The following NCAM2 variants were observed in gnomAD, a reference collection of about 807,000 sequenced individuals.
NCAM2 encodes neural cell adhesion molecule 2, also known as N-CAM-2.
NCAM2 carries 30 observed loss-of-function variants against 98.1 expected under a neutral mutation model. The observed-to-expected ratio is 0.31, with a 90% CI of 0.23 to 0.41. The LOEUF is 0.41. Among genes scored for constraint, NCAM2 ranks in the 10% least tolerant of loss-of-function variants. The pLI, the probability that NCAM2 is intolerant of heterozygous loss-of-function variation, is 1.00. For missense variants in NCAM2, 867 were observed against 1,005.8 expected, an observed-to-expected ratio of 0.86 and a Z score of 1.87; for synonymous variants, 368 against 342.4, an observed-to-expected ratio of 1.07 and a Z score of -0.83.
At chr21:21,165,941 A>G (rs774635893) in intron 1 of NCAM2, among the ~76,000 whole-genome samples, 1 of 152,142 alleles carries the variant, frequency 6.6e-6, no homozygotes, top group Non-Finnish European at 1.5e-5. Flanking sequence ...TAATTTGACT[A>G]TGCTATGAGA....
At chr21:21,054,189 G>A (rs1364710680) in intron 1 of NCAM2, among the ~76,000 whole-genome samples, 1 of 151,866 alleles carries the variant, frequency 6.6e-6, no homozygotes, top group Non-Finnish European at 1.5e-5. Context: ...ATGACTTTGT[G>A]ATTGAATAAT....
At chr21:21,505,326 G>A (rs1987915632) in intron 15 of NCAM2, among the ~76,000 whole-genome samples, 1 of 152,040 alleles carries the variant, frequency 6.6e-6, no homozygotes, top group Non-Finnish European at 1.5e-5. Context: ...ATCACACAGT[G>A]AGAAGGAAGC....
chr21:21,479,009 G>A (rs1265802701), intron 15 of NCAM2, among the ~76,000 whole-genome samples: 1 of 152,070 alleles, frequency 6.6e-6, no homozygotes, highest in Non-Finnish European at 1.5e-5. Context: ...TATATTTCAT[G>A]CAAATATCAG....
At chr21:21,348,773 A>T (rs1324345574) in intron 8 of NCAM2, among the ~76,000 whole-genome samples, 1 of 152,096 alleles carries the variant, frequency 6.6e-6, no homozygotes, top group Admixed American at 6.6e-5. Context: ...GAACCCAAAA[A>T]CAAATCCACA....
intron 5 of NCAM2, among the ~76,000 whole-genome samples, chr21:21,293,402 C>G (rs369862431): frequency 5.3e-5 from 8 of 151,716 alleles, no homozygotes; most frequent in African/African-American, 1.9e-4. Flanking sequence ...TTTCTCACTA[C>G]TGTCAAGACA....
At chr21:21,392,370 A>C (rs1474821744) in intron 9 of NCAM2, among the ~76,000 whole-genome samples, 1 of 152,172 alleles carries the variant, frequency 6.6e-6, no homozygotes, top group Non-Finnish European at 1.5e-5. Flanking sequence ...ATTTAGGTTG[A>C]ATCCATGTCT....
intron 1 of NCAM2, among the ~76,000 whole-genome samples, chr21:21,127,131 G>T (rs1212568934): frequency 1.3e-5 from 2 of 151,746 alleles, no homozygotes; most frequent in African/African-American, 4.8e-5. Context: ...GGTTTTATTT[G>T]TAAGTAGTTT....
At chr21:21,334,545 G>A (rs960202361) in intron 6 of NCAM2, among the ~76,000 whole-genome samples, 1 of 151,746 alleles carries the variant, frequency 6.6e-6, no homozygotes, top group African/African-American at 2.4e-5. Context: ...CCATACCAAT[G>A]GACAAATTCC....
intron 1 of NCAM2, among the ~76,000 whole-genome samples, chr21:21,136,832 T>A (rs1408665644): frequency 6.6e-6 from 1 of 151,828 alleles, no homozygotes; most frequent in Non-Finnish European, 1.5e-5. Flanking sequence ...GCAGACACCA[T>A]GCAAAGCAAA....
At chr21:21,053,355 T>TGTGTA (rs1351139349) in intron 1 of NCAM2, among the ~76,000 whole-genome samples, 1 of 151,986 alleles carries the variant, frequency 6.6e-6, no homozygotes, top group Non-Finnish European at 1.5e-5. Context: ...ATATGACATG[T>TGTGTA]TATTCCTTAC....
chr21:21,245,152 C>T (rs1383716823), intron 1 of NCAM2, among the ~76,000 whole-genome samples: 1 of 152,160 alleles, frequency 6.6e-6, no homozygotes, highest in Non-Finnish European at 1.5e-5. Context: ...TATGCACATG[C>T]ATTCCTCCAA....
At chr21:21,019,481 T>A (rs2064383935) in intron 1 of NCAM2, among the ~76,000 whole-genome samples, 1 of 152,190 alleles carries the variant, frequency 6.6e-6, no homozygotes, top group Non-Finnish European at 1.5e-5. Flanking sequence ...CTTCTGCAAG[T>A]CATTCAATGC....
intron 1 of NCAM2, among the ~76,000 whole-genome samples, chr21:21,095,032 A>C (rs2066092158): frequency 6.6e-6 from 1 of 151,770 alleles, no homozygotes; most frequent in South Asian, 2.1e-4. Flanking sequence ...TGATTAGTCA[A>C]GTATTATAAA....
At chr21:21,125,586 A>G (rs1164505186) in intron 1 of NCAM2, among the ~76,000 whole-genome samples, 3 of 127,282 alleles carry the variant, frequency 2.4e-5, no homozygotes, top group African/African-American at 8.8e-5. Flanking sequence ...CATATAATAT[A>G]CATATTTATT....
At chr21:21,082,281 C>CAAAAAAAAAAAAAAAAA (rs11384165) in intron 1 of NCAM2, among the ~76,000 whole-genome samples, 5 of 127,866 alleles carry the variant, frequency 3.9e-5, no homozygotes, top group Non-Finnish European at 6.3e-5. Context: ...GAGCTCAAAA[C>CAAAAAAAAAAAAAAAAA]AAAAAAAAAA....
intron 1 of NCAM2, among the ~76,000 whole-genome samples, chr21:21,273,229 A>G (rs1317358520): frequency 2.6e-5 from 4 of 152,192 alleles, no homozygotes; most frequent in African/African-American, 9.6e-5. Context: ...AGTAGTATCT[A>G]CTTTATAGAA....
At chr21:21,241,080 C>A (rs73896623) in intron 1 of NCAM2, among the ~76,000 whole-genome samples, 50 of 152,104 alleles carry the variant, frequency 3.3e-4, no homozygotes, top group African/African-American at 1.2e-3. Flanking sequence ...CTGAATGTAT[C>A]TTGAAGACTA....
rs189005196 is a variant in NCAM2 at position 21,262,859 on chromosome 21, A to G, written c.56-17719A>G. 4.3e-3 allele frequency among the ~76,000 whole-genome samples: 655 copies of G among 152,200 alleles called. 9 individuals carry two copies. Among genetic ancestry groups the G allele is most frequent in the African/African-American group, 0.015 (637 of 41,542 alleles). On this transcript the variant is annotated intron_variant, in intron 1 of 17. Coordinates refer to ENST00000400546, the MANE Select transcript of NCAM2 (RefSeq NM_004540.5). ...AGGTGAAAGTCAAGTCTCAGATGGC[A>G]GCAGAGAGAGAAGAGAGCTTGTGCA...
intron 1 of NCAM2, among the ~76,000 whole-genome samples, chr21:21,255,985 C>A (rs529291905): frequency 6.6e-6 from 1 of 152,280 alleles, no homozygotes; most frequent in African/African-American, 2.4e-5. Context: ...ATGGCCCTGC[C>A]TAGGCCCATG....
Sources: allele counts gnomAD v4.1 joint callset (sites outside exome capture counted in the v4.1 genomes callset), GRCh38; gene constraint gnomAD v4.1.1; transcripts MANE v1.5; gene names NCBI Gene and HGNC (gene_info 2026-07-23, HGNC 2026-07-21).